HHLA1: variants seen among roughly 807,000 people sequenced by gnomAD.
HHLA1 encodes the protein HHLA1 neighbor of OC90.
In HHLA1, 72 loss-of-function variants were observed where a neutral mutation model predicts 69.9. The observed-to-expected ratio is 1.03, with a 90% CI of 0.85 to 1.25. The LOEUF (loss-of-function observed/expected upper bound fraction) is 1.25, where lower values mean the gene tolerates loss of function less well. Ranked by LOEUF, HHLA1 falls within the 50% of genes most tolerant of loss-of-function variation. HHLA1 has a pLI of 0.00. For missense variants in HHLA1, 685 were observed against 642.2 expected (o/e 1.07, Z -0.72); for synonymous variants, 252 against 233.2 (o/e 1.08, Z -0.73).
intron 1 of HHLA1, among the ~76,000 whole-genome samples, chr8:132,107,395 G>A (rs568844646): frequency 6.6e-6 from 1 of 152,198 alleles, no homozygotes; most frequent in African/African-American, 2.4e-5. Context: ...CCGCCTCCCA[G>A]GTTCAAATGG....
At position 132,061,562 on chromosome 8, in the gene HHLA1, T is replaced by A. The variant is rs1273054817; in HGVS notation, c.*2433A>T. On this transcript the variant is annotated 3_prime_UTR_variant, in exon 17 of 17. Transcript: ENST00000414222. ...TTCATCAGAACAGATACAGTCACTG[T>A]CCCATCTCTTTCACCTCATCTGCTA... is the stretch of plus-strand genomic sequence containing the variant. The A allele has an allele frequency of 6.6e-6, 1 of 152,232 alleles. No homozygotes were observed. Among genetic ancestry groups the A allele is most frequent in the Non-Finnish European group, 1.5e-5 (1 of 68,072 alleles). 9.4% of individuals were successfully genotyped at this position (152,232 alleles called of 1,614,324 possible).
Position 132,107,177 on chromosome 8 carries a change from T to C in HHLA1, c.-21-1891A>G, listed in dbSNP as rs1010097024. 3.3e-5 allele frequency among the ~76,000 whole-genome samples: 5 copies of C among 152,318 alleles called. No homozygotes were observed. In the East Asian group the frequency reaches 9.6e-4, roughly 29 times the overall value. ...TACGGAATTAAAAGATAAAAACTTATAGTAGAAAAACAATTATTTACATTT... is the reference window on the plus strand; with the variant it reads ...TACGGAATTAAAAGATAAAAACTTACAGTAGAAAAACAATTATTTACATTT... On this transcript the variant is annotated intron_variant, in intron 1 of 16. Transcript: ENST00000414222.
chr8:132,077,680 A>C (rs1823667546), intron 12 of HHLA1, 46 bp downstream of exon 12: 1 of 1,532,344 alleles, frequency 6.5e-7, no homozygotes, highest in Non-Finnish European at 8.8e-7. Context: ...GACAATGCTA[A>C]GTTTAATTTA....
At chr8:132,076,607 ACCAGGGCCAC>A in intron 12 of HHLA1, 64 bp from the exon 13 acceptor site, 1 of 1,095,166 alleles carries the variant, frequency 9.1e-7, no homozygotes, top group Non-Finnish European at 1.3e-6. Flanking sequence ...GGAGAAGATG[ACCAGGGCCAC>A]CTATCCTGCC....
chr8:132,076,440 C>T lies in HHLA1; in HGVS notation c.1240+35G>A, dbSNP rs1047480931. 8 of 1,269,064 alleles carry T rather than the reference C, an allele frequency of 6.3e-6. No homozygotes were observed. In the Admixed American group the frequency reaches 8.4e-5, roughly 13 times the overall value. The allele number at this position is 1,269,064 out of a possible 1,614,324, so 78.6% of individuals were successfully genotyped here. ...AGCTTCCCACCCCTCCCATCCCCCACCCCCAAACCCCCACTTCCGTACTGA... is the reference window on the plus strand; with the variant it reads ...AGCTTCCCACCCCTCCCATCCCCCATCCCCAAACCCCCACTTCCGTACTGA... On this transcript the variant is annotated intron_variant, in intron 13 of 16. Coordinates refer to ENST00000414222, the MANE Select transcript of HHLA1 (RefSeq NM_001145095.3).
intron 7 of HHLA1, 71 bp from the exon 8 acceptor site, chr8:132,089,670 A>G: frequency 7.7e-6 from 6 of 774,652 alleles, no homozygotes; most frequent in South Asian, 6.0e-5. Flanking sequence ...CTGTGTTTGG[A>G]TTTTTCAGAG....
chr8:132,067,852 A>G (rs1002514990), intron 15 of HHLA1, among the ~76,000 whole-genome samples: 2 of 152,180 alleles, frequency 1.3e-5, no homozygotes, highest in Non-Finnish European at 2.9e-5. Context: ...TGAGGTTCAG[A>G]GATTGAATGA....
chr8:132,094,886 CA>C (rs1312020077), intron 7 of HHLA1, among the ~76,000 whole-genome samples: 12 of 152,134 alleles, frequency 7.9e-5, no homozygotes, highest in African/African-American at 2.9e-4. Flanking sequence ...ATTAACGGTG[CA>C]AAAATTGTCA....
At chr8:132,091,307 G>A (rs1400689137) in intron 7 of HHLA1, among the ~76,000 whole-genome samples, 2 of 152,152 alleles carry the variant, frequency 1.3e-5, no homozygotes, top group Admixed American at 6.5e-5. Context: ...TTGCATAGAA[G>A]CTATGAGCAT....
chr8:132,107,696 T>A (rs989815590), intron 1 of HHLA1, among the ~76,000 whole-genome samples: 1 of 152,228 alleles, frequency 6.6e-6, no homozygotes, highest in African/African-American at 2.4e-5. Context: ...TTTAATTCTT[T>A]GTCATTGGCC....
rs1323172380 is a variant in HHLA1, at chr8:132,105,183, C to T, written c.79+4G>A. 1.3e-6 allele frequency: 2 copies of T among 1,550,046 alleles called. No individual in the cohort carries two copies. The highest frequency in any genetic ancestry group is 3.9e-5 in the Admixed American group (2 of 51,004). On this transcript the variant is annotated splice_donor_region_variant and intron_variant, in intron 2 of 16. Transcript: ENST00000414222. ...GACACTTGCAGAACTCCAGCTAGACCCACCTGTGTTCCAAAGGGACAAGAC... is the reference window on the plus strand; with the variant it reads ...GACACTTGCAGAACTCCAGCTAGACTCACCTGTGTTCCAAAGGGACAAGAC...
At position 132,086,907 on chromosome 8, in the gene HHLA1, C is replaced by A. The variant is rs1823874010; in HGVS notation, c.676+746G>T. 2.0e-5 allele frequency among the ~76,000 whole-genome samples: 3 copies of A among 152,210 alleles called. No individual in the cohort carries two copies. In the South Asian group the frequency reaches 6.2e-4, roughly 31 times the overall value. On this transcript the variant is annotated intron_variant, in intron 10 of 16. Coordinates refer to ENST00000414222, the MANE Select transcript of HHLA1 (RefSeq NM_001145095.3). ...TCAAGAGAAAGTAATGAAGAGCCCA[C>A]TATGTGCAAGGCACCAAGGGGAAGG... is the stretch of plus-strand genomic sequence containing the variant.
intron 5 of HHLA1, among the ~76,000 whole-genome samples, 183 bp downstream of exon 5, chr8:132,098,699 C>T (rs1321841528): frequency 6.6e-6 from 1 of 151,788 alleles, no homozygotes; most frequent in East Asian, 1.9e-4. Flanking sequence ...TGAGCTCAAG[C>T]AGCTTCCCAA....
intron 10 of HHLA1, among the ~76,000 whole-genome samples, chr8:132,085,001 G>C (rs868553552): frequency 5.3e-5 from 8 of 151,880 alleles, no homozygotes; most frequent in South Asian, 4.2e-4. Context: ...AAGGGGTTGA[G>C]GGGTATTTGC....
chr8:132,103,043 TG>T (rs1443050953), intron 3 of HHLA1, among the ~76,000 whole-genome samples: 1 of 152,210 alleles, frequency 6.6e-6, no homozygotes, highest in Non-Finnish European at 1.5e-5. Context: ...AGAAGGTTCC[TG>T]GCATTTTTTG....
intron 1 of HHLA1, among the ~76,000 whole-genome samples, chr8:132,108,766 G>C (rs1185366173): frequency 2.0e-5 from 3 of 151,304 alleles, no homozygotes; most frequent in African/African-American, 7.2e-5. Context: ...CTCTCTCCCT[G>C]GGAGAGTTTT....
chr8:132,081,678 G>A (rs1185898439), intron 10 of HHLA1, among the ~76,000 whole-genome samples: 1 of 152,170 alleles, frequency 6.6e-6, no homozygotes, highest in East Asian at 1.9e-4. Context: ...CCTATCCAGT[G>A]AAAGTGTCTA....
chr8:132,080,776 AATGG>A, intron 10 of HHLA1: 2 of 152,108 alleles, frequency 1.3e-5, no homozygotes. Context: ...ATGGAGAGAG[AATGG>A]GCGATGTTTC....
At chr8:132,081,289 G>A (rs1823748979) in intron 10 of HHLA1, among the ~76,000 whole-genome samples, 1 of 152,202 alleles carries the variant, frequency 6.6e-6, no homozygotes, top group African/African-American at 2.4e-5. Context: ...TTGGTCTGGT[G>A]TCTGGAATGA....
Sources: gnomAD v4.1 joint callset for allele counts (sites outside exome capture counted in the v4.1 genomes callset) on GRCh38, gnomAD v4.1.1 for gene constraint, MANE v1.5 for transcripts, NCBI Gene and HGNC (gene_info 2026-07-23, HGNC 2026-07-21) for gene names.